Variants in OPN5 observed in about 807,000 individuals in gnomAD.
The protein encoded by OPN5 is opsin 5.
OPN5 carries 18 observed loss-of-function variants against 41.7 expected under a neutral mutation model. The observed-to-expected ratio is 0.43, with a 90% confidence interval of 0.30 to 0.64. The LOEUF (loss-of-function observed/expected upper bound fraction) is 0.64, where lower values mean the gene tolerates loss of function less well. Among genes scored for constraint, OPN5 ranks in the 30% least tolerant of loss-of-function variants. The probability of loss-of-function intolerance (pLI) is 0.13; values close to 1 mark genes in which losing one functional copy is unlikely to be tolerated. For missense variants in OPN5, 318 were observed against 434.5 expected (o/e 0.73, Z 2.38); for synonymous variants, 178 against 164.3 (o/e 1.08, Z -0.64).
chr6:47,786,750 T>C, intron 2 of OPN5, 116 bp downstream of exon 2: 3 of 878,320 alleles, frequency 3.4e-6, no homozygotes, highest in Non-Finnish European at 5.2e-6. Context: ...CCTTCCACTC[T>C]TCGCTTCACA....
chr6:47,804,926 G>T (rs1370562745), intron 4 of OPN5, among the ~76,000 whole-genome samples: 1 of 152,146 alleles, frequency 6.6e-6, no homozygotes, highest in Admixed American at 6.5e-5. Flanking sequence ...GTAAAATGTA[G>T]AAAATATTAT....
rs151006099 is a variant in OPN5, at chr6:47,822,986, T to C, written c.1057-997T>C. On this transcript the variant is annotated intron_variant, in intron 6 of 6. Coordinates refer to ENST00000371211, the Ensembl canonical transcript of OPN5. Reference sequence around the variant, plus strand: ...TGAGGATACAGTTTGCCTTGGTTGCTCTGAGTAACACAAGAAAATAGCATA... The same window carrying C: ...TGAGGATACAGTTTGCCTTGGTTGCCCTGAGTAACACAAGAAAATAGCATA... 2.2e-3 allele frequency among the ~76,000 whole-genome samples: 335 copies of C among 152,288 alleles called. 2 individuals carry two copies. Among genetic ancestry groups the C allele is most frequent in the Non-Finnish European group, 3.7e-3 (249 of 68,026 alleles).
At chr6:47,821,506 C>T (rs1176317906) in intron 6 of OPN5, among the ~76,000 whole-genome samples, 1 of 152,164 alleles carries the variant, frequency 6.6e-6, no homozygotes, top group Admixed American at 6.5e-5. Context: ...AGAAGTTGGG[C>T]AAGAGACGGA....
intron 4 of OPN5, among the ~76,000 whole-genome samples, chr6:47,807,737 T>A (rs1053689885): frequency 2.0e-5 from 3 of 152,026 alleles, no homozygotes; most frequent in Non-Finnish European, 4.4e-5. Flanking sequence ...AGGGCAGAAT[T>A]TCTGTTTCCT....
intron 1 of OPN5, among the ~76,000 whole-genome samples, 175 bp from the exon 2 acceptor site, chr6:47,786,340 G>A (rs1025989536): frequency 1.3e-5 from 2 of 152,114 alleles, no homozygotes; most frequent in African/African-American, 4.8e-5. Context: ...CCATTGGCCT[G>A]TCACTCACAA....
At chr6:47,786,269 C>T (rs576852903) in intron 1 of OPN5, among the ~76,000 whole-genome samples, 3 of 152,256 alleles carry the variant, frequency 2.0e-5, no homozygotes, top group South Asian at 4.1e-4. Flanking sequence ...CTGAGCCTCG[C>T]GGGGAAGTTA....
intron 4 of OPN5, among the ~76,000 whole-genome samples, chr6:47,806,800 C>A (rs1260662911): frequency 2.6e-5 from 4 of 152,168 alleles, no homozygotes; most frequent in Non-Finnish European, 4.4e-5. Context: ...CCTGTCTATG[C>A]CTTTACTTTG....
intron 6 of OPN5, among the ~76,000 whole-genome samples, chr6:47,821,992 G>A (rs776899358): frequency 7.3e-5 from 11 of 151,724 alleles, no homozygotes; most frequent in Non-Finnish European, 1.3e-4. Flanking sequence ...CGTGCCTATA[G>A]TCCCACCTAC....
chr6:47,797,366 A>G (rs184196251), intron 4 of OPN5, among the ~76,000 whole-genome samples: 1 of 152,330 alleles, frequency 6.6e-6, no homozygotes, highest in Admixed American at 6.5e-5. Context: ...AATTGGCTAT[A>G]AAGTAGGAAA....
intron 6 of OPN5, among the ~76,000 whole-genome samples, chr6:47,818,367 G>T (rs960962432): frequency 1.3e-5 from 2 of 152,180 alleles, no homozygotes; most frequent in Admixed American, 6.6e-5. Context: ...TGACTTAAAT[G>T]ATTGGAAGTC....
intron 1 of OPN5, 135 bp from the exon 2 acceptor site, chr6:47,786,380 T>A: frequency 1.6e-6 from 1 of 642,686 alleles, no homozygotes; most frequent in South Asian, 2.3e-5. Flanking sequence ...CTTCTTAATT[T>A]AGATTTTTTT....
chr6:47,821,740 TA>T (rs1340049211), intron 6 of OPN5, among the ~76,000 whole-genome samples: 3 of 152,136 alleles, frequency 2.0e-5, no homozygotes, highest in African/African-American at 4.8e-5. Context: ...GATGCTTGGT[TA>T]AAATGTAAAT....
At chr6:47,782,793 A>G (rs948995669) in intron 1 of OPN5, among the ~76,000 whole-genome samples, 1 of 152,168 alleles carries the variant, frequency 6.6e-6, no homozygotes, top group Non-Finnish European at 1.5e-5. Context: ...ATTTTTGTGC[A>G]TAATTGACGA....
exon 7 of OPN5, chr6:47,824,302 G>A (rs1456983741): frequency 2.5e-6 from 1 of 400,446 alleles, no homozygotes; most frequent in Non-Finnish European, 4.5e-6. Flanking sequence ...CTTCTGAACT[G>A]GGGCTTGTGA....
chr6:47,808,868 CTTTTA>C (rs1774080704), intron 5 of OPN5, among the ~76,000 whole-genome samples: 1 of 152,098 alleles, frequency 6.6e-6, no homozygotes, highest in Non-Finnish European at 1.5e-5. Flanking sequence ...TGCCAGATTT[CTTTTA>C]TTTTATTTCA....
At chr6:47,789,100 T>TA (rs1287747663) in intron 2 of OPN5, among the ~76,000 whole-genome samples, 1 of 152,128 alleles carries the variant, frequency 6.6e-6, no homozygotes, top group African/African-American at 2.4e-5. Context: ...GATGTAATCT[T>TA]ACTCCATTCT....
chr6:47,803,436 G>T (rs1193053124), intron 4 of OPN5, among the ~76,000 whole-genome samples: 2 of 152,090 alleles, frequency 1.3e-5, no homozygotes, highest in Admixed American at 6.6e-5. Context: ...CTTGTCACCC[G>T]CATGCTCCTG....
At chr6:47,808,387 A>G (rs764848805) in exon 5 of OPN5, 2 of 1,614,104 alleles carry the variant, frequency 1.2e-6, no homozygotes, top group Non-Finnish European at 1.7e-6. Flanking sequence ...AGTCTCTGGA[A>G]GGCTTCAGGT....
intron 4 of OPN5, among the ~76,000 whole-genome samples, chr6:47,807,368 T>C (rs1357682482): frequency 6.6e-6 from 1 of 152,156 alleles, no homozygotes; most frequent in Non-Finnish European, 1.5e-5. Flanking sequence ...TGAAGTGAGA[T>C]GATGCATAGG....
Sources: allele counts gnomAD v4.1 joint callset (sites outside exome capture counted in the v4.1 genomes callset), GRCh38; gene constraint gnomAD v4.1.1; transcripts MANE v1.5; gene names NCBI Gene and HGNC (gene_info 2026-07-23, HGNC 2026-07-21).